The following RUNX1 variants were observed in gnomAD, a reference collection of about 807,000 sequenced individuals.
RUNX1 encodes the protein runt-related transcription factor 1.
In RUNX1, 19 loss-of-function variants were observed where a neutral mutation model predicts 42.8. That is an observed-to-expected ratio of 0.44 (90% CI 0.31 to 0.65). The LOEUF (loss-of-function observed/expected upper bound fraction) is 0.65, where lower values mean the gene tolerates loss of function less well. Ranked by LOEUF, RUNX1 falls within the 30% of genes least tolerant of loss-of-function variation. The pLI is 0.07. For synonymous variants in RUNX1, 271 were observed against 289.4 expected (o/e 0.94, Z 0.64); for missense variants, 528 against 672.0 (o/e 0.79, Z 2.37).
At chr21:34,799,895 C>T (rs538805187) in intron 7 of RUNX1, among the ~76,000 whole-genome samples, 17 of 152,254 alleles carry the variant, frequency 1.1e-4, no homozygotes, top group African/African-American at 3.6e-4. Flanking sequence ...TGTCTGTGTT[C>T]GGTAAGAACG....
chr21:35,018,606 C>T (rs531539402), intron 2 of RUNX1, among the ~76,000 whole-genome samples: 4 of 152,198 alleles, frequency 2.6e-5, no homozygotes, highest in Non-Finnish European at 4.4e-5. Flanking sequence ...GATCTGATAT[C>T]GTTTGAATTA....
At chr21:35,026,009 G>A (rs2059233419) in intron 2 of RUNX1, among the ~76,000 whole-genome samples, 1 of 151,932 alleles carries the variant, frequency 6.6e-6, no homozygotes. Flanking sequence ...AACTGCAGAG[G>A]CCCCAACAAT....
chr21:35,001,355 T>G (rs193152562), intron 2 of RUNX1, among the ~76,000 whole-genome samples: 3 of 150,374 alleles, frequency 2.0e-5, no homozygotes, highest in South Asian at 4.2e-4. Flanking sequence ...ACATACAGTT[T>G]GACATTTTAA....
chr21:34,851,947 A>T (rs1330511154), intron 6 of RUNX1, among the ~76,000 whole-genome samples: 1 of 152,202 alleles, frequency 6.6e-6, no homozygotes, highest in Non-Finnish European at 1.5e-5. Flanking sequence ...CGGGTGGATC[A>T]GCTGAGGTCA....
intron 2 of RUNX1, among the ~76,000 whole-genome samples, chr21:35,027,409 T>A (rs2059245441): frequency 6.6e-6 from 1 of 152,250 alleles, no homozygotes; most frequent in Admixed American, 6.5e-5. Flanking sequence ...GTGGTAGTGA[T>A]GCTGCCAGTC....
At chr21:34,857,552 G>A (rs890162845) in intron 6 of RUNX1, among the ~76,000 whole-genome samples, 5 of 152,164 alleles carry the variant, frequency 3.3e-5, no homozygotes, top group African/African-American at 7.2e-5. Flanking sequence ...CAGGCTGGTC[G>A]GCATTTCAAC....
At chr21:35,041,735 A>C (rs1368403432) in intron 2 of RUNX1, among the ~76,000 whole-genome samples, 2 of 150,536 alleles carry the variant, frequency 1.3e-5, no homozygotes, top group Admixed American at 1.3e-4. Context: ...GGAAATAGAC[A>C]GGGCCAGTAA....
chr21:35,042,684 C>T (rs1241974519), intron 2 of RUNX1, among the ~76,000 whole-genome samples: 1 of 152,182 alleles, frequency 6.6e-6, no homozygotes, highest in Non-Finnish European at 1.5e-5. Context: ...CAGGCCATCT[C>T]TCCCTGGCCT....
chr21:34,989,172 C>T (rs979870611), intron 2 of RUNX1, among the ~76,000 whole-genome samples: 7 of 152,084 alleles, frequency 4.6e-5, no homozygotes, highest in African/African-American at 1.7e-4. Flanking sequence ...CCACACCCAG[C>T]TAATTTTTGT....
intron 8 of RUNX1, among the ~76,000 whole-genome samples, chr21:34,795,555 A>G (rs889171079): frequency 3.3e-5 from 5 of 152,202 alleles, no homozygotes; most frequent in African/African-American, 1.2e-4. Context: ...TCTGACTTTC[A>G]AACAAACACT....
In RUNX1 at chr21:34,964,360, C is replaced by T. The variant is rs138339313; in HGVS notation, c.59-71397G>A. Among the ~76,000 whole-genome samples, 446 of 152,016 alleles carry T rather than the reference C, an allele frequency of 2.9e-3. 4 individuals are homozygous for T. The highest frequency in any genetic ancestry group is 0.01 in the African/African-American group (422 of 41,452). ...AAAATTAGCCAGGCATGGTGGCACA[C>T]GCCTGTAGTCCCAGCTACTCGGGAG... On this transcript the variant is annotated intron_variant, in intron 2 of 8. Coordinates refer to ENST00000675419, the MANE Select transcript of RUNX1 (RefSeq NM_001754.5).
chr21:34,844,961 C>T (rs1391116479), intron 6 of RUNX1, among the ~76,000 whole-genome samples: 1 of 152,234 alleles, frequency 6.6e-6, no homozygotes, highest in East Asian at 1.9e-4. Context: ...TTGTTTTGAA[C>T]AGAACGTTGA....
chr21:34,941,058 T>C (rs1382168143), intron 2 of RUNX1, among the ~76,000 whole-genome samples: 2 of 152,218 alleles, frequency 1.3e-5, no homozygotes, highest in African/African-American at 2.4e-5. Flanking sequence ...GGTTCCTGTA[T>C]GCTAAAGGTC....
intron 6 of RUNX1, among the ~76,000 whole-genome samples, chr21:34,835,519 A>G (rs2057133670): frequency 6.6e-6 from 1 of 152,162 alleles, no homozygotes; most frequent in Non-Finnish European, 1.5e-5. Context: ...GGAAGCAGCA[A>G]GCAGAGGCCA....
chr21:34,954,259 G>C (rs778051311), intron 2 of RUNX1, among the ~76,000 whole-genome samples: 18 of 152,152 alleles, frequency 1.2e-4, no homozygotes, highest in Non-Finnish European at 1.9e-4. Context: ...TACAGTCATA[G>C]GCCTGGGTTA....
intron 2 of RUNX1, among the ~76,000 whole-genome samples, chr21:35,036,767 G>A (rs1239606948): frequency 1.5e-4 from 23 of 152,254 alleles, no homozygotes; most frequent in Admixed American, 1.5e-3. Context: ...GTTTACATGA[G>A]TGACTGAGGC....
chr21:34,883,313 T>C (rs956059841), intron 4 of RUNX1, among the ~76,000 whole-genome samples: 15 of 152,166 alleles, frequency 9.9e-5, no homozygotes, highest in African/African-American at 3.6e-4. Context: ...GGCCTTGTAT[T>C]GATCTCTGAG....
intron 2 of RUNX1, among the ~76,000 whole-genome samples, chr21:34,957,279 C>T (rs1168650971): frequency 6.6e-6 from 1 of 152,192 alleles, no homozygotes; most frequent in Non-Finnish European, 1.5e-5. Context: ...AACCTCACTA[C>T]TCCCTGGAAC....
chr21:34,922,582 T>A (rs779582399), intron 2 of RUNX1, among the ~76,000 whole-genome samples: 1 of 152,100 alleles, frequency 6.6e-6, no homozygotes, highest in Non-Finnish European at 1.5e-5. Context: ...AGAGAAACAG[T>A]GATCTACATC....
Sources: allele counts gnomAD v4.1 joint callset (sites outside exome capture counted in the v4.1 genomes callset), GRCh38; gene constraint gnomAD v4.1.1; transcripts MANE v1.5; gene names NCBI Gene and HGNC (gene_info 2026-07-23, HGNC 2026-07-21).